The following TTC39B variants were observed in gnomAD, a reference collection of about 807,000 sequenced individuals.
TTC39B encodes the protein tetratricopeptide repeat domain 39B.
A neutral mutation model predicts 96.6 loss-of-function variants in TTC39B; 92 were observed. The ratio of observed to expected loss-of-function variants is 0.95; its 90% CI spans 0.80 to 1.13. The LOEUF (loss-of-function observed/expected upper bound fraction) is 1.13. Among genes scored for constraint, TTC39B ranks in the 50% most tolerant of loss-of-function variants. TTC39B has a pLI of 0.00. For synonymous variants in TTC39B, 367 were observed against 299.4 expected (o/e 1.23, Z -2.33); for missense variants, 955 against 809.3 (o/e 1.18, Z -2.18).
chr9:15,203,315 A>C (rs1382048727), intron 7 of TTC39B, among the ~76,000 whole-genome samples: 1 of 152,010 alleles, frequency 6.6e-6, no homozygotes, highest in Non-Finnish European at 1.5e-5. Flanking sequence ...CAGTGGTAGG[A>C]CCTCGGCTCA....
intron 1 of TTC39B, among the ~76,000 whole-genome samples, chr9:15,299,514 G>A (rs1279034139): frequency 6.6e-6 from 1 of 152,156 alleles, no homozygotes; most frequent in Non-Finnish European, 1.5e-5. Flanking sequence ...AGGCAGCACA[G>A]ATCCACGAAG....
At chr9:15,251,253 G>C (rs747128235) in intron 2 of TTC39B, among the ~76,000 whole-genome samples, 8 of 151,918 alleles carry the variant, frequency 5.3e-5, no homozygotes, top group Non-Finnish European at 8.8e-5. Context: ...TTATAAAATA[G>C]TAAATTCCTT....
exon 20 of TTC39B, chr9:15,167,020 ATATATATATTTTTTTT>A (rs1564299947): frequency 1.3e-3 from 9 of 7,132 alleles, no homozygotes; most frequent in Non-Finnish European, 2.0e-3. Context: ...ATATATATAT[ATATATATATTTTTTTT>A]TTTTTTTTTT....
chr9:15,268,195 G>A (rs1823209314), intron 1 of TTC39B, among the ~76,000 whole-genome samples: 1 of 151,942 alleles, frequency 6.6e-6, no homozygotes. Flanking sequence ...GATCAAACTG[G>A]CCTAATTTAA....
intron 6 of TTC39B, among the ~76,000 whole-genome samples, chr9:15,207,833 A>T (rs938621267): frequency 2.3e-4 from 34 of 150,950 alleles, no homozygotes; most frequent in African/African-American, 7.8e-4. Context: ...AAATACAAAA[A>T]ATTAGCCAGG....
At chr9:15,181,850 C>T (rs932853843) in intron 17 of TTC39B, among the ~76,000 whole-genome samples, 1 of 152,132 alleles carries the variant, frequency 6.6e-6, no homozygotes, top group African/African-American at 2.4e-5. Flanking sequence ...CCATACAATT[C>T]ACCCACTGAG....
chr9:15,289,930 A>AC (rs1302364396), intron 1 of TTC39B, among the ~76,000 whole-genome samples: 3 of 151,872 alleles, frequency 2.0e-5, no homozygotes, highest in Admixed American at 6.6e-5. Context: ...ACAGCCCTTG[A>AC]CCCCCCTGAT....
chr9:15,299,194 G>C (rs973013498), intron 1 of TTC39B, among the ~76,000 whole-genome samples: 7 of 152,174 alleles, frequency 4.6e-5, no homozygotes, highest in Admixed American at 2.6e-4. Context: ...ACTGAAAATT[G>C]TCACTCACTA....
Position 15,306,363 on chromosome 9 carries a change from A to G in TTC39B, c.240+721T>C, listed in dbSNP as rs1220204694. Among the ~76,000 whole-genome samples the G allele has an allele frequency of 6.6e-6, 1 of 152,178 alleles. No individual in the cohort carries two copies. The highest frequency in any genetic ancestry group is 2.4e-5 in the African/African-American group (1 of 41,434). ...GCGCGCCACGACTGAAGGAGTGGCTAATTACTCAAACACAGTTGAAACCAA... is the reference window on the plus strand; with the variant it reads ...GCGCGCCACGACTGAAGGAGTGGCTGATTACTCAAACACAGTTGAAACCAA... On this transcript the variant is annotated intron_variant, in intron 1 of 19. Transcript: ENST00000512701. This position sits in a 1 kb window ranked among gnomAD's most constrained non-coding sequence, Gnocchi z 5.1.
In TTC39B at chr9:15,189,564, A is replaced by G. The variant is rs1818734113; in HGVS notation, c.1233+10T>C. On this transcript the variant is annotated intron_variant, in intron 13 of 19. Coordinates refer to ENST00000512701, the Ensembl canonical transcript of TTC39B. The stretch of plus-strand genomic sequence containing the variant: ...CAACTCCCCCAAATAATTCCCACCT[A>G]ATAAATTACCTCTTCAAGATTCCCT... The G allele has an allele frequency of 6.2e-7, 1 of 1,613,918 alleles. No homozygotes were observed. Among genetic ancestry groups the G allele is most frequent in the Admixed American group, 1.7e-5 (1 of 59,986 alleles).
chr9:15,166,995 TATATATATATATATATATATATATA>T (rs1564299654), exon 20 of TTC39B: 9 of 5,320 alleles, frequency 1.7e-3, no homozygotes, highest in African/African-American at 6.7e-3. Context: ...TATATATATA[TATATATATATATATATATATATATA>T]TATATATATT....
chr9:15,177,893 G>A (rs1238264204), intron 17 of TTC39B, 79 bp from the exon 18 acceptor site: 19 of 818,896 alleles, frequency 2.3e-5, no homozygotes, highest in South Asian at 5.6e-5. Context: ...TTTTTGAGAC[G>A]GACTCTCGCT....
intron 2 of TTC39B, among the ~76,000 whole-genome samples, chr9:15,226,500 C>G (rs1821131153): frequency 6.6e-6 from 1 of 152,080 alleles, no homozygotes; most frequent in African/African-American, 2.4e-5. Context: ...TAATTTGTTA[C>G]CTGTCCCTCA....
chr9:15,270,814 G>A (rs532676432), intron 1 of TTC39B, among the ~76,000 whole-genome samples: 3,976 of 152,030 alleles, frequency 0.026, 167 homozygotes, highest in African/African-American at 0.091. Context: ...AGTAATCACG[G>A]GGCAGAGAGT....
chr9:15,256,467 G>A (rs771623469), intron 2 of TTC39B, among the ~76,000 whole-genome samples: 1 of 152,160 alleles, frequency 6.6e-6, no homozygotes, highest in Non-Finnish European at 1.5e-5. Context: ...CACCTACTAT[G>A]TGACAAGCAT....
intron 4 of TTC39B, among the ~76,000 whole-genome samples, chr9:15,212,801 C>T (rs976042376): frequency 2.6e-5 from 4 of 152,132 alleles, no homozygotes; most frequent in African/African-American, 9.7e-5. Flanking sequence ...ATGTTATGAC[C>T]AGCTGTGTGT....
In TTC39B at chr9:15,273,763, A is replaced by G. The variant is rs550950803; in HGVS notation, c.241-5815T>C. On this transcript the variant is annotated intron_variant, in intron 1 of 19. Transcript: ENST00000512701. ...CCAATGAAGCTGTGTGTTTGGTATC[A>G]TGGACTCAAAGAACGCTACAACTGT... Among the ~76,000 whole-genome samples, 11 of 152,274 alleles carry G rather than the reference A, an allele frequency of 7.2e-5. 1 individual carries two copies. In the East Asian group the frequency reaches 2.1e-3, roughly 29 times the overall value.
At chr9:15,283,484 C>G (rs1823843551) in intron 1 of TTC39B, among the ~76,000 whole-genome samples, 1 of 152,210 alleles carries the variant, frequency 6.6e-6, no homozygotes, top group Non-Finnish European at 1.5e-5. Flanking sequence ...GGTTTATACA[C>G]AGGCCTATTT....
intron 1 of TTC39B, among the ~76,000 whole-genome samples, chr9:15,298,001 G>C (rs1359813403): frequency 1.3e-5 from 2 of 152,082 alleles, no homozygotes; most frequent in Admixed American, 1.3e-4. Flanking sequence ...CCATGAACAG[G>C]GTAAGGAAGA....
Sources: gnomAD v4.1 joint callset for allele counts (sites outside exome capture counted in the v4.1 genomes callset) on GRCh38, gnomAD v4.1.1 for gene constraint, Gnocchi (gnomAD v3.1) non-coding constraint, MANE v1.5 for transcripts, NCBI Gene and HGNC (gene_info 2026-07-23, HGNC 2026-07-21) for gene names.